The following ABCD2 variants were observed in gnomAD, a reference collection of about 807,000 sequenced individuals.
ABCD2 encodes ATP binding cassette subfamily D member 2.
Under a neutral mutation model 70.9 loss-of-function variants are expected in ABCD2, and 36 were observed. The observed-to-expected ratio is 0.51, with a 90% CI of 0.39 to 0.67. The LOEUF is 0.67. ABCD2 is among the 30% of genes least tolerant of loss of function. The pLI is 0.00. For synonymous variants in ABCD2, 304 were observed against 306.9 expected (o/e 0.99, Z 0.10); for missense variants, 729 against 890.2 (o/e 0.82, Z 2.30).
chr12:39,593,769 A>T (rs1181924626), intron 6 of ABCD2, among the ~76,000 whole-genome samples: 1 of 152,174 alleles, frequency 6.6e-6, no homozygotes, highest in Non-Finnish European at 1.5e-5. Flanking sequence ...GCATCCTGAA[A>T]ATTAAGGTTT....
intron 7 of ABCD2, among the ~76,000 whole-genome samples, chr12:39,580,926 A>G (rs1254271395): frequency 6.6e-6 from 1 of 152,206 alleles, no homozygotes; most frequent in African/African-American, 2.4e-5. Context: ...AAGTCAAATT[A>G]TCAAAAATGA....
chr12:39,546,173 C>G (rs571418472), downstream of ABCD2, among the ~76,000 whole-genome samples: 94 of 152,182 alleles, frequency 6.2e-4, no homozygotes, highest in Non-Finnish European at 1.1e-3. Context: ...TATAATTTTA[C>G]CTAATAATGT....
At chr12:39,606,222 C>G (rs557615472) in intron 3 of ABCD2, among the ~76,000 whole-genome samples, 69 of 152,210 alleles carry the variant, frequency 4.5e-4, no homozygotes, top group South Asian at 2.1e-3. Flanking sequence ...CTGACAAAAA[C>G]TAAGAATGTG....
At chr12:39,574,426 T>A (rs926055995) in intron 8 of ABCD2, among the ~76,000 whole-genome samples, 1 of 152,166 alleles carries the variant, frequency 6.6e-6, no homozygotes, top group African/African-American at 2.4e-5. Context: ...GGAGGAAAAG[T>A]AAATATTTTT....
chr12:39,556,317 AT>A (rs1250049390), intron 9 of ABCD2, among the ~76,000 whole-genome samples: 6 of 152,134 alleles, frequency 3.9e-5, no homozygotes, highest in Non-Finnish European at 5.9e-5. Context: ...CCAAAATCTC[AT>A]TTTGAATTGT....
At chr12:39,615,971 C>T (rs536524788) in intron 2 of ABCD2, among the ~76,000 whole-genome samples, 1 of 152,136 alleles carries the variant, frequency 6.6e-6, no homozygotes, top group East Asian at 1.9e-4. Flanking sequence ...AAACATTATT[C>T]AGTTAAATCC....
intron 9 of ABCD2, among the ~76,000 whole-genome samples, chr12:39,561,303 G>T (rs1941254777): frequency 6.7e-6 from 1 of 148,416 alleles, no homozygotes; most frequent in Non-Finnish European, 1.5e-5. Flanking sequence ...TGAGGCAGGA[G>T]AATCACTTGA....
chr12:39,562,434 A>G (rs1941273799), intron 9 of ABCD2, among the ~76,000 whole-genome samples: 1 of 152,102 alleles, frequency 6.6e-6, no homozygotes, highest in Non-Finnish European at 1.5e-5. Flanking sequence ...CAAATTTGAC[A>G]AATGTTTATC....
chr12:39,574,895 A>G (rs1941495282), intron 8 of ABCD2, among the ~76,000 whole-genome samples: 1 of 152,182 alleles, frequency 6.6e-6, no homozygotes, highest in South Asian at 2.1e-4. Flanking sequence ...CAGGTCAGGT[A>G]GTCAGGGCTA....
At chr12:39,542,901 T>A in the ABCD2 span, among the ~76,000 whole-genome samples, 1 of 152,130 alleles carries the variant, frequency 6.6e-6, no homozygotes, top group Non-Finnish European at 1.5e-5. Flanking sequence ...TGAGACCAGT[T>A]GTACAGAGTG....
chr12:39,544,929 G>A, the ABCD2 span, among the ~76,000 whole-genome samples: 1,330 of 152,288 alleles, frequency 8.7e-3, 22 homozygotes, highest in African/African-American at 0.031. Context: ...GTCCTAGGAT[G>A]AGTAGTACAA....
chr12:39,615,969 T>C (rs1267073097), intron 2 of ABCD2, among the ~76,000 whole-genome samples: 1 of 152,156 alleles, frequency 6.6e-6, no homozygotes, highest in Non-Finnish European at 1.5e-5. Flanking sequence ...ATAAACATTA[T>C]TCAGTTAAAT....
intron 9 of ABCD2, among the ~76,000 whole-genome samples, chr12:39,571,950 TGAGA>T (rs1049052566): frequency 2.6e-5 from 4 of 152,126 alleles, no homozygotes; most frequent in African/African-American, 9.7e-5. Context: ...TTATTTTCCC[TGAGA>T]GAAAGAATAA....
intron 2 of ABCD2, among the ~76,000 whole-genome samples, chr12:39,611,662 G>A (rs908612233): frequency 6.6e-6 from 1 of 152,022 alleles, no homozygotes; most frequent in African/African-American, 2.4e-5. Flanking sequence ...TTCTTAAATA[G>A]GACATAAAAC....
At chr12:39,543,263 A>G in the ABCD2 span, among the ~76,000 whole-genome samples, 1 of 152,210 alleles carries the variant, frequency 6.6e-6, no homozygotes, top group African/African-American at 2.4e-5. Context: ...ATCTGAGAAG[A>G]TGAGAGAGAG....
chr12:39,561,391 CA>C (rs529908093), intron 9 of ABCD2, among the ~76,000 whole-genome samples: 1,158 of 74,426 alleles, frequency 0.016, 8 homozygotes, highest in African/African-American at 0.03. Flanking sequence ...GACTCTGTCT[CA>C]AAAAAAAAAA....
chr12:39,534,245 G>A, the ABCD2 span, among the ~76,000 whole-genome samples: 11 of 152,274 alleles, frequency 7.2e-5, no homozygotes, highest in African/African-American at 2.2e-4. Context: ...CTGCAATGCT[G>A]TAAGGAATAA....
intron 9 of ABCD2, among the ~76,000 whole-genome samples, chr12:39,572,830 G>A (rs1457440072): frequency 1.3e-5 from 2 of 152,118 alleles, no homozygotes; most frequent in East Asian, 3.8e-4. Flanking sequence ...TAGAAAACAG[G>A]AGGCCAAAGC....
At chr12:39,574,334 A>G (rs1941488258) in intron 8 of ABCD2, among the ~76,000 whole-genome samples, 1 of 152,198 alleles carries the variant, frequency 6.6e-6, no homozygotes, top group Non-Finnish European at 1.5e-5. Flanking sequence ...AGACTGCGAG[A>G]GTGAATGTGG....
Sources: allele counts gnomAD v4.1 joint callset (sites outside exome capture counted in the v4.1 genomes callset), GRCh38; gene constraint gnomAD v4.1.1; transcripts MANE v1.5; gene names NCBI Gene and HGNC (gene_info 2026-07-23, HGNC 2026-07-21).